PARD6B: variants seen among roughly 807,000 people sequenced by gnomAD.
PARD6B encodes the protein par-6 family cell polarity regulator beta.
In PARD6B, 4 loss-of-function variants were observed where a neutral mutation model predicts 10.5. That is an observed-to-expected ratio of 0.38 (90% CI 0.19 to 0.87). The LOEUF (loss-of-function observed/expected upper bound fraction) is 0.87. Among genes scored for constraint, PARD6B ranks in the 40% least tolerant of loss-of-function variants. PARD6B has a pLI of 0.41. For synonymous variants in PARD6B, 169 were observed against 170.4 expected (o/e 0.99, Z 0.07); for missense variants, 396 against 470.6 (o/e 0.84, Z 1.47).
chr20:50,742,296 G>A (rs1226207581), intron 2 of PARD6B, among the ~76,000 whole-genome samples: 3 of 151,986 alleles, frequency 2.0e-5, no homozygotes, highest in Admixed American at 1.3e-4. Flanking sequence ...CGCCCACCTC[G>A]GCCTCCCAAA....
In PARD6B at chr20:50,753,481, G is replaced by A; in HGVS notation, c.*2993G>A. 1 of 973,568 alleles carries A rather than the reference G, an allele frequency of 1.0e-6. No individual in the cohort carries two copies. Among genetic ancestry groups the A allele is most frequent in the Non-Finnish European group, 1.2e-6 (1 of 818,786 alleles). 60.3% of individuals were successfully genotyped at this position (973,568 alleles called of 1,614,324 possible). A position where few individuals can be genotyped will look rare whatever the true frequency, so the allele number is the denominator to read the frequency against. ...CTGTGAATTTTGTTCTGTATCTTAA[G>A]TAAATTTATGATAATGTTCTCGAGC... On this transcript the variant is annotated 3_prime_UTR_variant, in exon 3 of 3. Transcript: ENST00000371610.
In PARD6B at chr20:50,750,208, T is replaced by C. The variant is rs148801972; in HGVS notation, c.839T>C (p.Ile280Thr). The C allele has an allele frequency of 1.4e-5, 22 of 1,614,052 alleles. No individual in the cohort carries two copies. In the African/African-American group the frequency reaches 2.5e-4, roughly 19 times the overall value. The change falls in exon 3 of 3, where the codon ATT becomes ACT. Residue 280 changes from isoleucine to threonine, a missense_variant. Transcript: ENST00000371610. Reference sequence around the variant, plus strand: ...AGCCTTCTTGGCTACCCACAGCAGATTGAACCAAGCTTTGAGCCAGAGGAT... The same window carrying C: ...AGCCTTCTTGGCTACCCACAGCAGACTGAACCAAGCTTTGAGCCAGAGGAT... ...DNSLLGYPQQ[I>T]EPSFEPEDED...
At chr20:50,734,551 G>A (rs115627985) in intron 1 of PARD6B, among the ~76,000 whole-genome samples, 3,017 of 151,566 alleles carry the variant, frequency 0.02, 98 homozygotes, top group African/African-American at 0.069. Flanking sequence ...GTAGAGATGG[G>A]GTCTCTCCAT....
At chr20:50,744,766 G>A (rs1227131614) in intron 2 of PARD6B, among the ~76,000 whole-genome samples, 1 of 151,906 alleles carries the variant, frequency 6.6e-6, no homozygotes, top group Non-Finnish European at 1.5e-5. Context: ...TCTACTATTA[G>A]CCCCTGGCTG....
In PARD6B at chr20:50,753,244, A is replaced by G. The variant is rs80162740; in HGVS notation, c.*2756A>G. On this transcript the variant is annotated 3_prime_UTR_variant, in exon 3 of 3. Coordinates refer to ENST00000371610, the MANE Select transcript of PARD6B (RefSeq NM_032521.3). ...TTATTTTAATTATCCTGTTAAGGGT[A>G]TCTATCAATGGTATTTTCAAGTAGA... is the stretch of plus-strand genomic sequence containing the variant. The G allele has an allele frequency of 3.9e-3, 3,852 of 984,906 alleles. 82 individuals are homozygous for G. The African/African-American group carries it at 0.05, about 13-fold the overall frequency. The allele number at this position is 984,906 out of a possible 1,614,324, so 61.0% of individuals were successfully genotyped here.
At chr20:50,738,127 A>G (rs756310108) in intron 2 of PARD6B, 48 bp downstream of exon 2, 65 of 1,397,802 alleles carry the variant, frequency 4.7e-5, no homozygotes, top group Non-Finnish European at 5.9e-5. Context: ...GAAATAGTGT[A>G]TTTTCCCCAC....
chr20:50,750,039 T>A lies in PARD6B; in HGVS notation c.670T>A (p.Ser224Thr), dbSNP rs183958932. Residue 224 changes from serine (S) to threonine (T), a missense_variant, in exon 3 of 3, where the codon TCA (serine) becomes ACA (threonine). Physicochemically the swap from Ser to Thr is moderately conservative, Grantham distance 58 (BLOSUM62 1). Around this residue, in one of 2 missense-constraint regions of PARD6B, gnomAD observed 208 missense variants for 300.9 expected, o/e 0.69. Transcript: ENST00000371610. ...EVLEVNGIEV[S>T]GKSLDQVTDM... ...TTTAGAAGTTAATGGCATAGAAGTT[T>A]CAGGGAAGAGCCTTGATCAAGTAAC... 42 of 1,614,186 alleles carry A rather than the reference T, an allele frequency of 2.6e-5. No homozygotes were observed. The East Asian group carries it at 6.9e-4, about 27-fold the overall frequency.
Position 50,750,988 on chromosome 20 carries a change from G to GTTTTTTTTTTTTTTTTTTTTTT in PARD6B, c.*501_*502insTTTTTTTTTTTTTTTTTTTTTT, listed in dbSNP as rs1568999536. The GTTTTTTTTTTTTTTTTTTTTTT allele has an allele frequency of 3.2e-6, 1 of 312,234 alleles. No individual in the cohort carries two copies. 19.3% of individuals were successfully genotyped at this position (312,234 alleles called of 1,614,324 possible). A position where few individuals can be genotyped will look rare whatever the true frequency, so the allele number is the denominator to read the frequency against. ...TTTTTTTTTTTTTTTTTTTTTTTTA[G>GTTTTTTTTTTTTTTTTTTTTTT]TGACTGGGTCTCACTCTGTTGCCCA... On this transcript the variant is annotated 3_prime_UTR_variant, in exon 3 of 3. Coordinates refer to ENST00000371610, the MANE Select transcript of PARD6B (RefSeq NM_032521.3).
At position 50,752,396 on chromosome 20, in the gene PARD6B, A is replaced by G; in HGVS notation, c.*1908A>G. ...AGAAACACTGCCTACACTTTATGAA[A>G]ACTACATAGTATTCACCTGTGACAG... On this transcript the variant is annotated 3_prime_UTR_variant, in exon 3 of 3. Coordinates refer to ENST00000371610, the MANE Select transcript of PARD6B (RefSeq NM_032521.3). The G allele has an allele frequency of 1.0e-6, 1 of 985,828 alleles. No individual in the cohort carries two copies. Among genetic ancestry groups the G allele is most frequent in the Non-Finnish European group, 1.2e-6 (1 of 829,910 alleles). The allele number at this position is 985,828 out of a possible 1,614,324, so 61.1% of individuals were successfully genotyped here.
In PARD6B at chr20:50,752,184, C is replaced by T. The variant is rs994053296; in HGVS notation, c.*1696C>T. The T allele has an allele frequency of 1.0e-6, 1 of 985,492 alleles. No individual in the cohort carries two copies. Among genetic ancestry groups the T allele is most frequent in the African/African-American group, 1.7e-5 (1 of 57,200 alleles). The allele number at this position is 985,492 out of a possible 1,614,324, so 61.0% of individuals were successfully genotyped here. The stretch of plus-strand genomic sequence containing the variant: ...ACCTATTCTTGTTCCCATTCCCAGT[C>T]TCATTTGAAATCATTCCTTTTATTG... On this transcript the variant is annotated 3_prime_UTR_variant, in exon 3 of 3. Coordinates refer to ENST00000371610, the MANE Select transcript of PARD6B (RefSeq NM_032521.3).
Position 50,751,814 on chromosome 20 carries a change from G to T in PARD6B, c.*1326G>T. ...GCTCCCGGGTTCAAGCAATTCTCCTGCCTCAGCCTTCTGAGTAGCTAAGAT... is the reference window on the plus strand; with the variant it reads ...GCTCCCGGGTTCAAGCAATTCTCCTTCCTCAGCCTTCTGAGTAGCTAAGAT... On this transcript the variant is annotated 3_prime_UTR_variant, in exon 3 of 3. Coordinates refer to ENST00000371610, the MANE Select transcript of PARD6B (RefSeq NM_032521.3). 1.1e-6 allele frequency: 1 copy of T among 925,870 alleles called. No individual in the cohort carries two copies. The allele number at this position is 925,870 out of a possible 1,614,324, so 57.4% of individuals were successfully genotyped here. A position where few individuals can be genotyped will look rare whatever the true frequency, so the allele number is the denominator to read the frequency against.
At position 50,753,433 on chromosome 20, in the gene PARD6B, A is replaced by G. The variant is rs2087626174; in HGVS notation, c.*2945A>G. ...ATCAGTGGATCCAACATAAAATTTT[A>G]TAGTACTAAATGTCAAGCCTAACTG... On this transcript the variant is annotated 3_prime_UTR_variant, in exon 3 of 3. Coordinates refer to ENST00000371610, the MANE Select transcript of PARD6B (RefSeq NM_032521.3). The G allele has an allele frequency of 1.0e-6, 1 of 982,684 alleles. No homozygotes were observed. 60.9% of individuals were successfully genotyped at this position (982,684 alleles called of 1,614,324 possible).
chr20:50,753,616 C>A lies in PARD6B; in HGVS notation c.*3128C>A. On this transcript the variant is annotated 3_prime_UTR_variant, in exon 3 of 3. Coordinates refer to ENST00000371610, the MANE Select transcript of PARD6B (RefSeq NM_032521.3). ...TACTTTGTTTATAACTATCAAATGT[C>A]AGTATTTTACTACAATTTTATTATA... The A allele has an allele frequency of 1.2e-6, 1 of 803,352 alleles. No individual in the cohort carries two copies. The highest frequency in any genetic ancestry group is 1.5e-6 in the Non-Finnish European group (1 of 663,742). 49.8% of individuals were successfully genotyped at this position (803,352 alleles called of 1,614,324 possible).
chr20:50,753,334 C>T lies in PARD6B; in HGVS notation c.*2846C>T. ...AGATATATTGTAAAACCAATAGATC[C>T]TGGTTATACGATAAAATATCAGCTC... On this transcript the variant is annotated 3_prime_UTR_variant, in exon 3 of 3. Coordinates refer to ENST00000371610, the MANE Select transcript of PARD6B (RefSeq NM_032521.3). 1.0e-6 allele frequency: 1 copy of T among 984,920 alleles called. No homozygotes were observed. Among genetic ancestry groups the T allele is most frequent in the Non-Finnish European group, 1.2e-6 (1 of 829,274 alleles). 61.0% of individuals were successfully genotyped at this position (984,920 alleles called of 1,614,324 possible).
intron 2 of PARD6B, among the ~76,000 whole-genome samples, chr20:50,747,446 TTTG>T (rs142047821): frequency 0.052 from 7,863 of 150,488 alleles, 236 homozygotes; most frequent in African/African-American, 0.068. Context: ...CCATTTATTT[TTTG>T]TTGTTGTCTT....
intron 2 of PARD6B, among the ~76,000 whole-genome samples, chr20:50,741,180 C>T (rs983662466): frequency 1.3e-5 from 2 of 151,982 alleles, no homozygotes; most frequent in Admixed American, 6.6e-5. Flanking sequence ...AGGCTGGTCT[C>T]GAACTCCTGA....
intron 1 of PARD6B, among the ~76,000 whole-genome samples, chr20:50,735,767 T>C (rs1220585685): frequency 1.3e-5 from 2 of 152,214 alleles, no homozygotes; most frequent in Admixed American, 6.5e-5. Context: ...AGAGAAAATA[T>C]TGAGCGAAGA....
chr20:50,750,108 A>G lies in PARD6B; in HGVS notation c.739A>G (p.Arg247Gly). ...ANSRNLIITV[R>G]PANQRNNVVR... ...TAGCCGTAACCTCATCATAACAGTG[A>G]GACCGGCAAACCAGAGGAATAATGT... Residue 247 changes from arginine (R) to glycine (G), a missense_variant, in exon 3 of 3, where the codon AGA becomes GGA. Physicochemically the swap from Arg to Gly is moderately radical, Grantham distance 125 (BLOSUM62 -2). Coordinates refer to ENST00000371610, the MANE Select transcript of PARD6B (RefSeq NM_032521.3). 1 of 1,614,268 alleles carries G rather than the reference A, an allele frequency of 6.2e-7. No homozygotes were observed. The highest frequency in any genetic ancestry group is 8.5e-7 in the Non-Finnish European group (1 of 1,180,052).
chr20:50,731,880 G>A, intron 1 of PARD6B, 28 bp downstream of exon 1: 1 of 1,409,480 alleles, frequency 7.1e-7, no homozygotes, highest in Non-Finnish European at 9.2e-7. Context: ...TGGGCGGAGC[G>A]GCGGGCCTGG....
Sources: allele counts gnomAD v4.1 joint callset (sites outside exome capture counted in the v4.1 genomes callset), GRCh38; gene constraint gnomAD v4.1.1; regional missense constraint gnomAD v4.1.1; transcripts MANE v1.5; gene names NCBI Gene and HGNC (gene_info 2026-07-23, HGNC 2026-07-21).